The following XRCC1 variants were observed in gnomAD, a reference collection of about 807,000 sequenced individuals.
The protein encoded by XRCC1 is DNA repair protein XRCC1.
In XRCC1, 52 loss-of-function variants were observed where a neutral mutation model predicts 83.3. The observed-to-expected ratio is 0.62, with a 90% CI of 0.50 to 0.79. The LOEUF (loss-of-function observed/expected upper bound fraction) is 0.79. Ranked by LOEUF, XRCC1 falls within the 30% of genes least tolerant of loss-of-function variation. The pLI is 0.00. For synonymous variants in XRCC1, 281 were observed against 312.6 expected (o/e 0.90, Z 1.07); for missense variants, 793 against 823.5 (o/e 0.96, Z 0.45).
intron 16 of XRCC1, 42 bp from the exon 17 acceptor site, chr19:43,543,547 G>T: frequency 6.2e-7 from 1 of 1,613,166 alleles, no homozygotes; most frequent in South Asian, 1.1e-5. Flanking sequence ...GTGTCATCGA[G>T]GGGAGGACGG....
At chr19:43,551,756 G>C (rs1972577687) in intron 9 of XRCC1, 69 bp from the exon 10 acceptor site, 3 of 1,190,740 alleles carry the variant, frequency 2.5e-6, no homozygotes, top group Admixed American at 1.7e-5. Flanking sequence ...CGAGACAGGG[G>C]AGACAGACAG....
At chr19:43,564,424 C>T (rs538222018) in intron 2 of XRCC1, among the ~76,000 whole-genome samples, 1 of 152,252 alleles carries the variant, frequency 6.6e-6, no homozygotes, top group East Asian at 1.9e-4. Context: ...CGGATTCTCA[C>T]CATGTGCCAG....
At chr19:43,544,075 T>A in intron 15 of XRCC1, 69 bp downstream of exon 15, 854 of 1,104,092 alleles carry the variant, frequency 7.7e-4, no homozygotes, top group Non-Finnish European at 1.0e-3. Flanking sequence ...CCCCCACCCC[T>A]CCCAGCAGGT....
intron 2 of XRCC1, 22 bp from the exon 3 acceptor site, chr19:43,561,042 A>C: frequency 1.3e-6 from 2 of 1,571,176 alleles, no homozygotes; most frequent in Non-Finnish European, 1.8e-6. Context: ...GAGAGAGGCC[A>C]CTGTCAGTGC....
chr19:43,544,587 A>G (rs1330605407), intron 14 of XRCC1, among the ~76,000 whole-genome samples: 2 of 151,290 alleles, frequency 1.3e-5, no homozygotes, highest in Non-Finnish European at 2.9e-5. Context: ...CCTCACTGCA[A>G]CCTCTGCCTC....
At chr19:43,561,159 G>T in intron 2 of XRCC1, 139 bp from the exon 3 acceptor site, 1 of 705,596 alleles carries the variant, frequency 1.4e-6, no homozygotes, top group Non-Finnish European at 2.6e-6. Context: ...GTTGAATGGT[G>T]CCATGTGTCC....
chr19:43,543,985 C>A (rs1972482665), intron 15 of XRCC1, among the ~76,000 whole-genome samples, 159 bp downstream of exon 15: 1 of 152,028 alleles, frequency 6.6e-6, no homozygotes, highest in African/African-American at 2.4e-5. Context: ...GGTGGGCAAG[C>A]TAGCATTCGG....
intron 13 of XRCC1, 39 bp from the exon 14 acceptor site, chr19:43,545,996 G>C: frequency 6.2e-7 from 1 of 1,613,706 alleles, no homozygotes. Context: ...AGCATGCAGA[G>C]CAGCCTCCCC....
intron 14 of XRCC1, 91 bp downstream of exon 14, chr19:43,545,727 C>T (rs1972501275): frequency 2.6e-6 from 4 of 1,532,204 alleles, no homozygotes; most frequent in Non-Finnish European, 3.5e-6. Flanking sequence ...GACACGGGGG[C>T]AGCAGTGACC....
Position 43,546,927 on chromosome 19 carries a change from TGA to T in XRCC1, c.1248_1249del (p.His417GlnfsTer7). 2 of 1,614,014 alleles carry T rather than the reference TGA, an allele frequency of 1.2e-6. No individual in the cohort carries two copies. The highest frequency in any genetic ancestry group is 1.1e-5 in the South Asian group (1 of 91,078). On this transcript the variant is annotated frameshift_variant, in exon 11 of 17. Transcript: ENST00000262887. LOFTEE classifies it high-confidence loss of function. Reference sequence around the variant, plus strand: ...GGCTTCATCTCCGCTGCCACCGCTGTGAGAGGCCTCATCCTCCTCACTGCTGG... The same window carrying T: ...GGCTTCATCTCCGCTGCCACCGCTGTGAGGCCTCATCCTCCTCACTGCTGG...
intron 3 of XRCC1, 29 bp from the exon 4 acceptor site, chr19:43,554,833 A>T: frequency 6.3e-7 from 1 of 1,597,338 alleles, no homozygotes; most frequent in Non-Finnish European, 8.6e-7. Context: ...AGTGCATGAG[A>T]ACCAGGGCAG....
At chr19:43,568,499 A>AGTAG in intron 2 of XRCC1, among the ~76,000 whole-genome samples, 1 of 150,084 alleles carries the variant, frequency 6.7e-6, no homozygotes, top group Non-Finnish European at 1.5e-5. Flanking sequence ...TCTGTCTCAA[A>AGTAG]GTAAGTAAGT....
chr19:43,554,734 C>T lies in XRCC1; in HGVS notation c.326G>A (p.Arg109His), dbSNP rs752532258. ...GACCAGCTTGTCAGGCCCAAACATG[C>T]GAACGCGGTTGGGGTTTGAGCCACT... ...SRSGSNPNRV[R>H]MFGPDKLVRA... Residue 109 changes from arginine to histidine, a missense_variant, in exon 4 of 17, where the codon CGC (arginine) becomes CAC (histidine). Physicochemically the swap from Arg to His is conservative, Grantham distance 29. Transcript: ENST00000262887. The T allele has an allele frequency of 3.7e-5, 59 of 1,613,844 alleles. No homozygotes were observed. Among genetic ancestry groups the T allele is most frequent in the Non-Finnish European group, 4.4e-5 (52 of 1,179,896 alleles).
intron 2 of XRCC1, 25 bp from the exon 3 acceptor site, chr19:43,561,045 G>A (rs762562668): frequency 6.4e-7 from 1 of 1,559,720 alleles, no homozygotes; most frequent in Admixed American, 1.7e-5. Context: ...AGAGGCCACT[G>A]TCAGTGCCTG....
intron 10 of XRCC1, among the ~76,000 whole-genome samples, chr19:43,547,878 G>A (rs1972528967): frequency 6.6e-6 from 1 of 152,146 alleles, no homozygotes; most frequent in Admixed American, 6.5e-5. Flanking sequence ...AAGAATCAAA[G>A]GCAGTTTCTC....
In XRCC1 at chr19:43,546,733, G is replaced by C; in HGVS notation, c.1294-6C>G. The C allele has an allele frequency of 6.2e-7, 1 of 1,606,376 alleles. No individual in the cohort carries two copies. The highest frequency in any genetic ancestry group is 8.5e-7 in the Non-Finnish European group (1 of 1,176,650). On this transcript the variant is annotated splice_polypyrimidine_tract_variant and splice_region_variant and intron_variant, in intron 11 of 16. Transcript: ENST00000262887. ...TTGGTTTTGGTCTGGGGTTGCTAAGGAGGGAGAGTGGGTGGGTGAGGAGGG... is the reference window on the plus strand; with the variant it reads ...TTGGTTTTGGTCTGGGGTTGCTAAGCAGGGAGAGTGGGTGGGTGAGGAGGG...
chr19:43,565,119 T>G (rs1972739838), intron 2 of XRCC1, among the ~76,000 whole-genome samples: 1 of 152,136 alleles, frequency 6.6e-6, no homozygotes, highest in Non-Finnish European at 1.5e-5. Context: ...GCCCACCAGA[T>G]AATCCAGGGC....
Position 43,554,890 on chromosome 19 carries a change from GC to G in XRCC1, c.256-87del. ...TAGGGGCTGGGGAAGAGGGCACAGG[GC>G]CCACACAGGGGACTGGGAGTCACTA... is the stretch of plus-strand genomic sequence containing the variant. On this transcript the variant is annotated intron_variant, in intron 3 of 16. Transcript: ENST00000262887. The G allele has an allele frequency of 3.5e-6, 5 of 1,442,556 alleles. No individual in the cohort carries two copies. In the South Asian group the frequency reaches 6.4e-5, roughly 18 times the overall value. The allele number at this position is 1,442,556 out of a possible 1,614,324, so 89.4% of individuals were successfully genotyped here.
At chr19:43,564,118 A>C (rs1294107938) in intron 2 of XRCC1, among the ~76,000 whole-genome samples, 3 of 152,204 alleles carry the variant, frequency 2.0e-5, no homozygotes, top group African/African-American at 7.2e-5. Context: ...AATCCATACC[A>C]AGAATGAGAA....
Sources: allele counts gnomAD v4.1 joint callset (sites outside exome capture counted in the v4.1 genomes callset), GRCh38; gene constraint gnomAD v4.1.1; transcripts MANE v1.5; gene names NCBI Gene and HGNC (gene_info 2026-07-23, HGNC 2026-07-21).